The following PGK1 variants were observed in gnomAD, a reference collection of about 807,000 sequenced individuals.
PGK1 encodes the protein phosphoglycerate kinase 1.
PGK1 carries 3 observed loss-of-function variants against 26.9 expected under a neutral mutation model. That is an observed-to-expected ratio of 0.11 (90% CI 0.05 to 0.29). PGK1 has a LOEUF of 0.29. Ranked by LOEUF, PGK1 falls within the 10% of genes least tolerant of loss-of-function variation. The pLI is 1.00. For synonymous variants in PGK1, 125 were observed against 115.3 expected, an observed-to-expected ratio of 1.08 and a Z score of -0.54; for missense variants, 270 against 314.7, an observed-to-expected ratio of 0.86 and a Z score of 1.07.
intron 6 of PGK1, among the ~76,000 whole-genome samples, chrX:78,120,346 C>T (rs782159225): frequency 1.6e-4 from 15 of 93,484 alleles, no homozygotes; most frequent in African/African-American, 4.2e-4. Context: ...CACACACACA[C>T]ACATATATAT....
chrX:78,109,969 A>G, intron 2 of PGK1, 52 bp downstream of exon 2: 1 of 797,044 alleles, frequency 1.3e-6, no homozygotes, highest in Non-Finnish European at 1.9e-6. Context: ...GTAGGTACAC[A>G]GGATGAAATG....
In PGK1 at chrX:78,123,392, G is replaced by C; in HGVS notation, c.936+18G>C. 1 of 1,164,439 alleles carries C rather than the reference G, an allele frequency of 8.6e-7. No homozygotes were observed. ...GCTGGATGGTGAGTCACTTGAGTGG[G>C]TTGGTAGTGTGAGTGAACAGAAACT... On this transcript the variant is annotated intron_variant, in intron 8 of 10. Coordinates refer to ENST00000373316, the MANE Select transcript of PGK1 (RefSeq NM_000291.4).
intron 2 of PGK1, 33 bp downstream of exon 2, chrX:78,109,950 A>C (rs782512802): frequency 2.1e-6 from 2 of 954,401 alleles, no homozygotes; most frequent in Admixed American, 4.4e-5. Context: ...GGCTGGGTTT[A>C]AGATGTGTGT....
chrX:78,121,833 A>G (rs2078356894), intron 6 of PGK1, among the ~76,000 whole-genome samples: 2 of 112,110 alleles, frequency 1.8e-5, no homozygotes, highest in South Asian at 7.4e-4. Flanking sequence ...AAGACCTAGA[A>G]TAGTGCTTGG....
chrX:78,113,713 C>T (rs782185909), intron 2 of PGK1, 31 bp from the exon 3 acceptor site: 7 of 1,193,073 alleles, frequency 5.9e-6, no homozygotes, highest in Non-Finnish European at 7.9e-6. Flanking sequence ...GGAGTAACTT[C>T]ATTCTGTTTG....
chrX:78,112,619 C>T (rs1333885014), intron 2 of PGK1, among the ~76,000 whole-genome samples: 1 of 111,712 alleles, frequency 9.0e-6, no homozygotes, highest in Non-Finnish European at 1.9e-5. Context: ...TATTTTTCCC[C>T]AAATTTCCTT....
chrX:78,107,365 TCTC>T (rs1205687985), intron 1 of PGK1, among the ~76,000 whole-genome samples: 5 of 111,383 alleles, frequency 4.5e-5, no homozygotes, highest in Non-Finnish European at 9.4e-5. Flanking sequence ...ACCACCAAGA[TCTC>T]CTTCATGCTA....
chrX:78,111,106 A>G (rs1421465909), intron 2 of PGK1, among the ~76,000 whole-genome samples: 1 of 106,415 alleles, frequency 9.4e-6, no homozygotes, highest in Non-Finnish European at 1.9e-5. Flanking sequence ...TTTTTTTGAG[A>G]CAGGGCCTCG....
At chrX:78,117,979 A>G (rs1603397844) in intron 5 of PGK1, 72 bp from the exon 6 acceptor site, 2 of 1,000,369 alleles carry the variant, frequency 2.0e-6, no homozygotes, top group East Asian at 6.1e-5. Flanking sequence ...TTTAGTGATA[A>G]GGAGCTGGCC....
intron 6 of PGK1, among the ~76,000 whole-genome samples, chrX:78,120,174 A>C (rs782399739): frequency 2.4e-4 from 27 of 111,819 alleles, no homozygotes; most frequent in South Asian, 1.1e-3. Context: ...TTTATATTTT[A>C]TTAAACAAAC....
chrX:78,114,038 T>C lies in PGK1; in HGVS notation c.295T>C (p.Cys99Arg), dbSNP rs781899954. ...LGKDVLFLKD[C>R]VGPEVEKACA... Reference sequence around the variant, plus strand: ...CAGGGATGTTCTGTTCTTGAAGGACTGTGTAGGCCCAGAAGTGGAGAAAGC... The same window carrying C: ...CAGGGATGTTCTGTTCTTGAAGGACCGTGTAGGCCCAGAAGTGGAGAAAGC... Residue 99 changes from cysteine (C) to arginine (R), a missense_variant, in exon 4 of 11, where the codon TGT becomes CGT. By Grantham distance (180) the Cys-to-Arg change is radical. Around this residue, in one of 3 missense-constraint regions of PGK1, gnomAD observed 150 missense variants for 154.6 expected, o/e 0.97. Coordinates refer to ENST00000373316, the MANE Select transcript of PGK1 (RefSeq NM_000291.4). The C allele has an allele frequency of 3.3e-6, 4 of 1,211,154 alleles. No individual in the cohort carries two copies. In the Admixed American group the frequency reaches 8.7e-5, roughly 26 times the overall value.
At chrX:78,106,543 T>G (rs1346590665) in intron 1 of PGK1, 2 of 754,269 alleles carry the variant, frequency 2.7e-6, no homozygotes, top group East Asian at 3.0e-4. Context: ...CTGGCGGTGT[T>G]TCCGGAATGG....
intron 6 of PGK1, among the ~76,000 whole-genome samples, chrX:78,120,101 A>AT (rs1324582483): frequency 9.9e-5 from 11 of 111,306 alleles, no homozygotes; most frequent in Non-Finnish European, 1.7e-4. Context: ...TGGATGTGAG[A>AT]TTTTTTTGCC....
At position 78,109,929 on chromosome X, in the gene PGK1, G is replaced by C. The variant is rs1374002804; in HGVS notation, c.116+12G>C. On this transcript the variant is annotated intron_variant, in intron 2 of 10. Coordinates refer to ENST00000373316, the MANE Select transcript of PGK1 (RefSeq NM_000291.4). ...ACAAACAACCAGAGGTAAGGTCCCT[G>C]CTAATCCTTGGGCTGGGTTTAAGAT... is the stretch of plus-strand genomic sequence containing the variant. The C allele has an allele frequency of 5.3e-6, 6 of 1,131,797 alleles. No individual in the cohort carries two copies. Among genetic ancestry groups the C allele is most frequent in the African/African-American group, 1.8e-5 (1 of 55,576 alleles). The allele number at this position is 1,131,797 out of a possible 1,213,427, so 93.3% of individuals were successfully genotyped here.
intron 10 of PGK1, 123 bp downstream of exon 10, chrX:78,125,548 C>T: frequency 1.8e-6 from 1 of 554,117 alleles, no homozygotes; most frequent in Non-Finnish European, 3.1e-6. Flanking sequence ...ACTACCTGGG[C>T]AGTACAGAGG....
chrX:78,120,166 T>C (rs1478794308), intron 6 of PGK1, among the ~76,000 whole-genome samples: 1 of 111,932 alleles, frequency 8.9e-6, no homozygotes, highest in Non-Finnish European at 1.9e-5. Flanking sequence ...GGAAAACTTT[T>C]ATATTTTATT....
chrX:78,111,804 T>C (rs2078302780), intron 2 of PGK1, among the ~76,000 whole-genome samples: 1 of 112,100 alleles, frequency 8.9e-6, no homozygotes, highest in Non-Finnish European at 1.9e-5. Flanking sequence ...GCCTATCAAG[T>C]TATTTTAAGA....
At chrX:78,124,620 A>G (rs2078373179) in intron 8 of PGK1, among the ~76,000 whole-genome samples, 1 of 111,973 alleles carries the variant, frequency 8.9e-6, no homozygotes, top group Non-Finnish European at 1.9e-5. Flanking sequence ...CCATTGATCT[A>G]GTTTTCACTA....
At chrX:78,108,511 T>A (rs1421031411) in intron 1 of PGK1, among the ~76,000 whole-genome samples, 2 of 112,402 alleles carry the variant, frequency 1.8e-5, no homozygotes, top group African/African-American at 3.2e-5. Context: ...CATGTTTTAC[T>A]ATAGAATTAT....
Sources: gnomAD v4.1 joint callset for allele counts (sites outside exome capture counted in the v4.1 genomes callset) on GRCh38, gnomAD v4.1.1 for gene constraint, gnomAD v4.1.1 regional missense constraint, MANE v1.5 for transcripts, NCBI Gene and HGNC (gene_info 2026-07-23, HGNC 2026-07-21) for gene names.